C2orf80: variants seen among roughly 807,000 people sequenced by gnomAD.
The protein encoded by C2orf80 is chromosome 2 open reading frame 80.
C2orf80 carries 28 observed loss-of-function variants against 30.2 expected under a neutral mutation model. That is an observed-to-expected ratio of 0.93 (90% CI 0.69 to 1.27). C2orf80 has a LOEUF of 1.27. Among genes scored for constraint, C2orf80 ranks in the 50% most tolerant of loss-of-function variants. The probability of loss-of-function intolerance (pLI) is 0.00; values close to 1 mark genes in which losing one functional copy is unlikely to be tolerated. For missense variants in C2orf80, 220 were observed against 231.0 expected (o/e 0.95, Z 0.31); for synonymous variants, 80 against 76.4 (o/e 1.05, Z -0.24).
intron 6 of C2orf80, among the ~76,000 whole-genome samples, chr2:208,177,955 T>C (rs1696419043): frequency 1.3e-5 from 2 of 151,910 alleles, no homozygotes; most frequent in African/African-American, 4.8e-5. Flanking sequence ...TAGCTGAGAT[T>C]ACAGGCATGC....
In C2orf80 at chr2:208,183,044, G is replaced by T. The variant is rs774248046; in HGVS notation, c.127C>A (p.His43Asn). 2 of 1,613,780 alleles carry T rather than the reference G, an allele frequency of 1.2e-6. No homozygotes were observed. Among genetic ancestry groups the T allele is most frequent in the Non-Finnish European group, 1.7e-6 (2 of 1,179,660 alleles). ...GCAACACTGATGGCCAAGTCATAGT[G>T]TGCCTGGGAGCAGGAAGCACAGAGA... ...RQLTFLDDMA[H>N]YDLAISVALQ... is the part of the protein sequence containing the mutation. Residue 43 changes from histidine to asparagine, a missense_variant, in exon 4 of 9, where the codon CAC becomes AAC. Transcript: ENST00000341287.
At chr2:208,171,874 C>G in intron 7 of C2orf80, 114 bp downstream of exon 7, 1 of 911,052 alleles carries the variant, frequency 1.1e-6, no homozygotes, top group Admixed American at 1.8e-5. Context: ...TTAAATTCAA[C>G]CAGACATAGA....
intron 6 of C2orf80, among the ~76,000 whole-genome samples, chr2:208,174,528 C>A (rs1179588215): frequency 6.6e-6 from 1 of 152,192 alleles, no homozygotes; most frequent in East Asian, 1.9e-4. Flanking sequence ...CCTGGTGCCA[C>A]CATCGTGTGC....
At chr2:208,177,800 C>CTTTA (rs371898869) in intron 6 of C2orf80, among the ~76,000 whole-genome samples, 19,796 of 147,088 alleles carry the variant, frequency 0.13, 1,869 homozygotes, top group East Asian at 0.51. Flanking sequence ...CTTCTAGCAC[C>CTTTA]TTTATTTATT....
At chr2:208,166,118 T>C (rs1057256593) in intron 8 of C2orf80, among the ~76,000 whole-genome samples, 1 of 152,206 alleles carries the variant, frequency 6.6e-6, no homozygotes, top group African/African-American at 2.4e-5. Flanking sequence ...GAGAGTACAT[T>C]AAATAAAAGT....
Position 208,185,007 on chromosome 2 carries a change from G to A in C2orf80, c.67C>T (p.Arg23Trp), listed in dbSNP as rs1394270844. The A allele has an allele frequency of 3.1e-6, 5 of 1,613,612 alleles. No individual in the cohort carries two copies. Among genetic ancestry groups the A allele is most frequent in the Non-Finnish European group, 3.4e-6 (4 of 1,179,768 alleles). The change falls in exon 3 of 9, where the codon CGG becomes TGG. Residue 23 changes from arginine to tryptophan, a missense_variant. By Grantham distance (101) the Arg-to-Trp change is moderately radical (BLOSUM62 -3). Transcript: ENST00000341287. Reference protein sequence around the residue: ...LLGDYIGIRLRENEFDPKGRR... With the variant: ...LLGDYIGIRLWENEFDPKGRR... ...CCTTTTGGGTCAAATTCATTTTCCCGAAGTCTGATGCCAATATAATCTCCC... is the reference window on the plus strand; with the variant it reads ...CCTTTTGGGTCAAATTCATTTTCCCAAAGTCTGATGCCAATATAATCTCCC...
In C2orf80 at chr2:208,165,660, T is replaced by G. The variant is rs951454380; in HGVS notation, c.*147A>C. ...CAATATGCTTCTAAAAGAAGAAAGC[T>G]CAACATCAAAAATAACACTTCAGTG... is the stretch of plus-strand genomic sequence containing the variant. On this transcript the variant is annotated 3_prime_UTR_variant, in exon 9 of 9. Transcript: ENST00000341287. 1.9e-6 allele frequency: 2 copies of G among 1,031,506 alleles called. No homozygotes were observed. Among genetic ancestry groups the G allele is most frequent in the African/African-American group, 3.3e-5 (2 of 60,928 alleles). The allele number at this position is 1,031,506 out of a possible 1,614,324, so 63.9% of individuals were successfully genotyped here. A position where few individuals can be genotyped will look rare whatever the true frequency, so the allele number is the denominator to read the frequency against.
intron 6 of C2orf80, 113 bp from the exon 7 acceptor site, chr2:208,172,188 T>C: frequency 1.2e-6 from 1 of 839,398 alleles, no homozygotes; most frequent in South Asian, 1.3e-5. Context: ...AGTCCAATTG[T>C]TGAGTACTGT....
At chr2:208,189,813 T>C (rs1574380162) in intron 1 of C2orf80, 140 bp downstream of exon 1, 1 of 648,646 alleles carries the variant, frequency 1.5e-6, no homozygotes, top group South Asian at 1.7e-5. Flanking sequence ...CCCCAAATTC[T>C]ATAGGAATAT....
intron 6 of C2orf80, among the ~76,000 whole-genome samples, chr2:208,173,592 T>C (rs573753576): frequency 6.6e-6 from 1 of 151,290 alleles, no homozygotes; most frequent in African/African-American, 2.4e-5. Flanking sequence ...GCCACTGCAC[T>C]CCAGCCTGGG....
intron 6 of C2orf80, among the ~76,000 whole-genome samples, chr2:208,176,951 ATC>A (rs370717965): frequency 0.042 from 1,518 of 35,902 alleles, 246 homozygotes; most frequent in Non-Finnish European, 0.063. Flanking sequence ...CTGTATACAT[ATC>A]TGTATACATA....
chr2:208,180,728 TC>T lies in C2orf80; in HGVS notation c.366+16del. On this transcript the variant is annotated intron_variant, in intron 6 of 8. Coordinates refer to ENST00000341287, the MANE Select transcript of C2orf80 (RefSeq NM_001099334.3). ...CTCTAAAAATCCCTTCTATTGACAA[TC>T]CCAGGTCACCCTTACCTTGATGGTA... 1 of 1,602,606 alleles carries T rather than the reference TC, an allele frequency of 6.2e-7. No individual in the cohort carries two copies. The highest frequency in any genetic ancestry group is 8.5e-7 in the Non-Finnish European group (1 of 1,172,694).
At chr2:208,181,393 C>G in intron 4 of C2orf80, 88 bp from the exon 5 acceptor site, 2 of 798,144 alleles carry the variant, frequency 2.5e-6, no homozygotes, top group Non-Finnish European at 4.4e-6. Context: ...GATAAGTAAT[C>G]TGCAATGGCT....
chr2:208,183,057 G>C lies in C2orf80; in HGVS notation c.124-10C>G, dbSNP rs767504595. The C allele has an allele frequency of 6.2e-7, 1 of 1,612,862 alleles. No individual in the cohort carries two copies. Among genetic ancestry groups the C allele is most frequent in the South Asian group, 1.1e-5 (1 of 91,056 alleles). On this transcript the variant is annotated splice_polypyrimidine_tract_variant and intron_variant, in intron 3 of 8. Coordinates refer to ENST00000341287, the MANE Select transcript of C2orf80 (RefSeq NM_001099334.3). The stretch of plus-strand genomic sequence containing the variant: ...CCAAGTCATAGTGTGCCTGGGAGCA[G>C]GAAGCACAGAGAGCAAAGAAACAGG...
Position 208,182,759 on chromosome 2 carries a change from T to C in C2orf80, c.206+206A>G, listed in dbSNP as rs191081320. Reference sequence around the variant, plus strand: ...TTCATCTCACTGAAGTCAATTAGTATAGAGATGCAAAACATGGAAACATGT... The same window carrying C: ...TTCATCTCACTGAAGTCAATTAGTACAGAGATGCAAAACATGGAAACATGT... On this transcript the variant is annotated intron_variant, in intron 4 of 8. Transcript: ENST00000341287. Among the ~76,000 whole-genome samples, 977 of 152,252 alleles carry C rather than the reference T, an allele frequency of 6.4e-3. 5 individuals are homozygous for C. Among genetic ancestry groups the C allele is most frequent in the Non-Finnish European group, 8.7e-3 (589 of 68,008 alleles).
intron 8 of C2orf80, 70 bp from the exon 9 acceptor site, chr2:208,165,885 C>A: frequency 3.7e-6 from 4 of 1,074,850 alleles, no homozygotes; most frequent in Admixed American, 2.2e-5. Context: ...TACTTTAAGT[C>A]TATAGGAAGT....
At chr2:208,187,626 G>A (rs1178892633) in intron 1 of C2orf80, among the ~76,000 whole-genome samples, 2 of 152,150 alleles carry the variant, frequency 1.3e-5, no homozygotes, top group Admixed American at 6.5e-5. Context: ...TCACCAAAAA[G>A]GAGTCTATAG....
chr2:208,180,530 A>T (rs546076813), intron 6 of C2orf80, among the ~76,000 whole-genome samples: 7 of 152,124 alleles, frequency 4.6e-5, no homozygotes, highest in African/African-American at 1.7e-4. Context: ...TCAGCCGTAC[A>T]CAAGATACAT....
At chr2:208,177,180 TA>T (rs1041099253) in intron 6 of C2orf80, among the ~76,000 whole-genome samples, 1 of 131,308 alleles carries the variant, frequency 7.6e-6, no homozygotes, top group Non-Finnish European at 1.6e-5. Context: ...TGTGTATATG[TA>T]ATATACATTA....
Sources: allele counts gnomAD v4.1 joint callset (sites outside exome capture counted in the v4.1 genomes callset), GRCh38; gene constraint gnomAD v4.1.1; transcripts MANE v1.5; gene names NCBI Gene and HGNC (gene_info 2026-07-23, HGNC 2026-07-21).